The following ABCB1 variants were observed in gnomAD, a reference collection of about 807,000 sequenced individuals.
The protein encoded by ABCB1 is ATP binding cassette subfamily B member 1.
ABCB1 carries 69 observed loss-of-function variants against 142.0 expected under a neutral mutation model. That is an observed-to-expected ratio of 0.49 (90% CI 0.40 to 0.59). The LOEUF (loss-of-function observed/expected upper bound fraction) is 0.59, where lower values mean the gene tolerates loss of function less well. Ranked by LOEUF, ABCB1 falls within the 20% of genes least tolerant of loss-of-function variation. The pLI, the probability that ABCB1 is intolerant of heterozygous loss-of-function variation, is 0.00. For synonymous variants in ABCB1, 532 were observed against 539.2 expected (o/e 0.99, Z 0.18); for missense variants, 1,326 against 1,554.7 (o/e 0.85, Z 2.47).
chr7:87,597,814 AT>A (rs1819265794), intron 2 of ABCB1, among the ~76,000 whole-genome samples: 2 of 152,298 alleles, frequency 1.3e-5, no homozygotes, highest in South Asian at 4.1e-4. Flanking sequence ...ATTGGCTAAT[AT>A]CTAATGCACA....
chr7:87,636,838 C>G (rs983837302), intron 1 of ABCB1, among the ~76,000 whole-genome samples: 1 of 152,074 alleles, frequency 6.6e-6, no homozygotes, highest in Non-Finnish European at 1.5e-5. Context: ...GAGGACATAC[C>G]TGAGACTGGG....
chr7:87,531,731 C>T, intron 20 of ABCB1: 1 of 505,438 alleles, frequency 2.0e-6, no homozygotes, highest in Non-Finnish European at 3.5e-6. Context: ...ATTCCTATCT[C>T]TTTGGATCTT....
chr7:87,553,381 C>T lies in ABCB1; in HGVS notation c.999+380G>A, dbSNP rs143559375. On this transcript the variant is annotated intron_variant, in intron 9 of 27. Coordinates refer to ENST00000622132, the MANE Select transcript of ABCB1 (RefSeq NM_001348946.2). The stretch of plus-strand genomic sequence containing the variant: ...TGTCACCCAGGCTGCGGTGCAGTGG[C>T]GCAATCTCAGGTCACTGCAAGCTCC... 4.1e-3 allele frequency among the ~76,000 whole-genome samples: 562 copies of T among 137,538 alleles called. 3 individuals are homozygous for T. The highest frequency in any genetic ancestry group is 0.015 in the African/African-American group (525 of 35,432). The allele number at this position is 137,538 out of a possible 152,430, so 90.2% of individuals were successfully genotyped here.
At chr7:87,670,025 G>A (rs1027064286) in intron 1 of ABCB1, among the ~76,000 whole-genome samples, 3 of 152,154 alleles carry the variant, frequency 2.0e-5, no homozygotes, top group Non-Finnish European at 2.9e-5. Context: ...CCTGTACCTC[G>A]TTGGGGAAGT....
chr7:87,520,903 G>A, intron 21 of ABCB1, 27 bp from the exon 22 acceptor site: 2 of 1,532,586 alleles, frequency 1.3e-6, no homozygotes, highest in Non-Finnish European at 1.8e-6. Context: ...CGATCACCAA[G>A]AGGCACAAGA....
At position 87,541,429 on chromosome 7, in the gene ABCB1, TC is replaced by T. The variant is rs1401620868; in HGVS notation, c.2246del (p.Arg749HisfsTer12). ...ATAGTGAAAACAAGTTACTATTCTG[TC>T]GTTTTGTTTCAGGATCATCAATTCT... is the stretch of plus-strand genomic sequence containing the variant. The part of the protein sequence containing the change: ...FTRIDDPETK[R>X]QNSNLFSLLF... On this transcript the variant is annotated frameshift_variant, in exon 18 of 28. Transcript: ENST00000622132. LOFTEE classifies it high-confidence loss of function. 2 of 1,609,674 alleles carry T rather than the reference TC, an allele frequency of 1.2e-6. No homozygotes were observed. Among genetic ancestry groups the T allele is most frequent in the Non-Finnish European group, 1.7e-6 (2 of 1,175,948 alleles).
At chr7:87,705,770 A>G (rs1259758415) in intron 1 of ABCB1, among the ~76,000 whole-genome samples, 1 of 152,156 alleles carries the variant, frequency 6.6e-6, no homozygotes, top group Non-Finnish European at 1.5e-5. Flanking sequence ...CTCTTGGGTC[A>G]TATGCTCTTA....
intron 1 of ABCB1, among the ~76,000 whole-genome samples, chr7:87,686,853 G>C (rs1827513215): frequency 6.6e-6 from 1 of 151,324 alleles, no homozygotes; most frequent in South Asian, 2.1e-4. Flanking sequence ...GCTAAGGTGG[G>C]AGGGTCACCT....
intron 24 of ABCB1, 32 bp from the exon 25 acceptor site, chr7:87,515,460 T>G: frequency 1.3e-6 from 2 of 1,598,102 alleles, no homozygotes; most frequent in Non-Finnish European, 1.7e-6. Context: ...TAAATTTGAA[T>G]GCTGCAATAC....
intron 1 of ABCB1, among the ~76,000 whole-genome samples, chr7:87,652,982 A>T (rs1426034608): frequency 6.6e-6 from 1 of 152,006 alleles, no homozygotes; most frequent in Admixed American, 6.6e-5. Context: ...AGAGAGATAA[A>T]ATCTCCCCCA....
At chr7:87,677,468 A>T (rs776518943) in intron 1 of ABCB1, among the ~76,000 whole-genome samples, 5 of 152,160 alleles carry the variant, frequency 3.3e-5, no homozygotes, top group Non-Finnish European at 7.4e-5. Context: ...GGAGCCTAAA[A>T]ATAGTCAAAC....
intron 1 of ABCB1, among the ~76,000 whole-genome samples, chr7:87,656,328 A>G (rs528790784): frequency 6.6e-6 from 1 of 152,202 alleles, no homozygotes; most frequent in East Asian, 1.9e-4. Flanking sequence ...AAGAAGAAAG[A>G]AGAGACTAAC....
chr7:87,655,390 T>G (rs1433566193), intron 1 of ABCB1, among the ~76,000 whole-genome samples: 1 of 152,100 alleles, frequency 6.6e-6, no homozygotes, highest in African/African-American at 2.4e-5. Context: ...TATTCAGCCT[T>G]TAAGAGGAAG....
At chr7:87,706,458 C>G (rs1829595250) in intron 1 of ABCB1, among the ~76,000 whole-genome samples, 1 of 151,990 alleles carries the variant, frequency 6.6e-6, no homozygotes. Context: ...CAATCAGGTT[C>G]CAGTGATAAC....
Position 87,561,331 on chromosome 7 carries a change from T to A in ABCB1, c.759A>T (p.Val253=). 2 of 1,614,030 alleles carry A rather than the reference T, an allele frequency of 1.2e-6. No individual in the cohort carries two copies. Among genetic ancestry groups the A allele is most frequent in the Non-Finnish European group, 1.7e-6 (2 of 1,179,904 alleles). Reference sequence around the variant, plus strand: ...TAATTGCTGCCAAGACCTCTTCAGCTACTGCTCCAGCTTTTGCATACGCTA... The same window carrying A: ...TAATTGCTGCCAAGACCTCTTCAGCAACTGCTCCAGCTTTTGCATACGCTA... ...ELLAYAKAGA[V]AEEVLAAIRT... Residue 253 remains valine, a synonymous_variant, in exon 8 of 28, where the codon GTA becomes GTT. Coordinates refer to ENST00000622132, the MANE Select transcript of ABCB1 (RefSeq NM_001348946.2).
At chr7:87,552,530 A>C (rs1281013390) in intron 9 of ABCB1, among the ~76,000 whole-genome samples, 1 of 152,062 alleles carries the variant, frequency 6.6e-6, no homozygotes, top group Non-Finnish European at 1.5e-5. Context: ...GGATGCCTCC[A>C]GTGTGTGAAG....
At chr7:87,696,946 A>T (rs1285331895) in intron 1 of ABCB1, among the ~76,000 whole-genome samples, 1 of 152,116 alleles carries the variant, frequency 6.6e-6, no homozygotes, top group Non-Finnish European at 1.5e-5. Flanking sequence ...CTAGTTTTCT[A>T]GTTTTTCTGT....
chr7:87,605,219 C>T (rs149883923), upstream of ABCB1, among the ~76,000 whole-genome samples: 9 of 152,276 alleles, frequency 5.9e-5, no homozygotes, highest in East Asian at 9.7e-4. Context: ...CTGCAACCTC[C>T]GCCTCCTGGG....
intron 11 of ABCB1, 80 bp downstream of exon 11, chr7:87,550,388 T>C: frequency 6.2e-7 from 1 of 1,605,282 alleles, no homozygotes; most frequent in Admixed American, 1.7e-5. Context: ...ATACATGCAC[T>C]TTTTTATAAT....
Sources: gnomAD v4.1 joint callset for allele counts (sites outside exome capture counted in the v4.1 genomes callset) on GRCh38, gnomAD v4.1.1 for gene constraint, MANE v1.5 for transcripts, NCBI Gene and HGNC (gene_info 2026-07-23, HGNC 2026-07-21) for gene names.